The following SLC13A1 variants were observed in gnomAD, a reference collection of about 807,000 sequenced individuals.
SLC13A1 encodes the protein solute carrier family 13 member 1.
Under a neutral mutation model 70.0 loss-of-function variants are expected in SLC13A1, and 65 were observed. The ratio of observed to expected loss-of-function variants is 0.93; its 90% CI spans 0.76 to 1.14. SLC13A1 has a LOEUF of 1.14. Ranked by LOEUF, SLC13A1 falls within the 50% of genes most tolerant of loss-of-function variation. The pLI, the probability that SLC13A1 is intolerant of heterozygous loss-of-function variation, is 0.00. For synonymous variants in SLC13A1, 275 were observed against 250.5 expected (o/e 1.10, Z -0.92); for missense variants, 726 against 717.8 (o/e 1.01, Z -0.13).
At chr7:123,162,843 A>G (rs1345659821) in intron 6 of SLC13A1, among the ~76,000 whole-genome samples, 2 of 152,162 alleles carry the variant, frequency 1.3e-5, no homozygotes, top group African/African-American at 4.8e-5. Context: ...TAAACTAAAC[A>G]ATACCTAATT....
At chr7:123,168,664 T>C (rs1419450545) in intron 4 of SLC13A1, 103 bp from the exon 5 acceptor site, 1 of 823,070 alleles carries the variant, frequency 1.2e-6, no homozygotes, top group Non-Finnish European at 1.9e-6. Flanking sequence ...AAATTGAAAA[T>C]AAAAAATTCA....
chr7:123,116,981 C>T (rs1357258055), intron 14 of SLC13A1, among the ~76,000 whole-genome samples: 6 of 152,130 alleles, frequency 3.9e-5, no homozygotes, highest in African/African-American at 1.4e-4. Flanking sequence ...TGTGTTTTCA[C>T]GTTAGGTCCT....
At chr7:123,138,050 C>T (rs566703877) in intron 7 of SLC13A1, among the ~76,000 whole-genome samples, 9 of 152,158 alleles carry the variant, frequency 5.9e-5, no homozygotes, top group Non-Finnish European at 1.0e-4. Context: ...TAACCATCCC[C>T]ACCTTTCAGC....
At position 123,171,771 on chromosome 7, in the gene SLC13A1, G is replaced by A. The variant is rs202201970; in HGVS notation, c.362C>T (p.Ala121Val). ...KMVMMVGVNPAWLTLGFMSST... is the reference protein window; with the variant it reads ...KMVMMVGVNPVWLTLGFMSST... ...AAGCAGTAAATGCAGTACTTACCATGCAGGATTTACACCAACCATCATCAC... is the reference window on the plus strand; with the variant it reads ...AAGCAGTAAATGCAGTACTTACCATACAGGATTTACACCAACCATCATCAC... The change falls in exon 3 of 15, where the codon GCA (alanine) becomes GTA (valine). Residue 121 changes from alanine to valine, a missense_variant. Transcript: ENST00000194130. 4 of 1,613,666 alleles carry A rather than the reference G, an allele frequency of 2.5e-6. No homozygotes were observed. The African/African-American group carries it at 4.0e-5, about 16-fold the overall frequency.
chr7:123,151,250 G>A (rs966587318), intron 6 of SLC13A1, among the ~76,000 whole-genome samples: 1 of 151,886 alleles, frequency 6.6e-6, no homozygotes, highest in African/African-American at 2.4e-5. Flanking sequence ...CTTGAACCTG[G>A]GAGGCAGAGG....
chr7:123,172,490 T>C (rs1299355242), intron 2 of SLC13A1, among the ~76,000 whole-genome samples: 3 of 152,110 alleles, frequency 2.0e-5, no homozygotes. Flanking sequence ...GGTGTAATGG[T>C]GCATGACTGC....
intron 1 of SLC13A1, chr7:123,190,429 C>T (rs1284802957): frequency 2.7e-6 from 1 of 373,774 alleles, no homozygotes; most frequent in Non-Finnish European, 5.2e-6. Context: ...TTTAAACTCC[C>T]TTTATGAGAG....
At chr7:123,164,830 GCTGAA>G (rs1365875705) in intron 6 of SLC13A1, among the ~76,000 whole-genome samples, 1 of 151,618 alleles carries the variant, frequency 6.6e-6, no homozygotes, top group Admixed American at 6.6e-5. Context: ...CAAAATCAGA[GCTGAA>G]CTGAAGGAAA....
intron 3 of SLC13A1, among the ~76,000 whole-genome samples, chr7:123,170,087 T>A (rs1308062130): frequency 6.6e-6 from 1 of 152,138 alleles, no homozygotes; most frequent in Non-Finnish European, 1.5e-5. Flanking sequence ...ATCTATAAAC[T>A]TTCAAAGTCA....
At chr7:123,190,965 C>A (rs1795974378) in intron 1 of SLC13A1, among the ~76,000 whole-genome samples, 1 of 151,614 alleles carries the variant, frequency 6.6e-6, no homozygotes, top group Admixed American at 6.6e-5. Context: ...TTGTTGATTT[C>A]CCTATTATTT....
chr7:123,141,152 A>T (rs1274263741), intron 7 of SLC13A1, among the ~76,000 whole-genome samples: 4 of 151,802 alleles, frequency 2.6e-5, no homozygotes, highest in Non-Finnish European at 5.9e-5. Context: ...TTTCCTTCTG[A>T]ATTTCTTTAT....
rs1248385835 is a variant in SLC13A1, at chr7:123,190,689, A to G, written c.99+9159T>C. The G allele has an allele frequency of 6.6e-6, 3 of 456,502 alleles. No homozygotes were observed. In the East Asian group the frequency reaches 2.1e-4, roughly 32 times the overall value. 28.3% of individuals were successfully genotyped at this position (456,502 alleles called of 1,614,324 possible). A position where few individuals can be genotyped will look rare whatever the true frequency, so the allele number is the denominator to read the frequency against. On this transcript the variant is annotated intron_variant, in intron 1 of 14. Coordinates refer to ENST00000194130, the MANE Select transcript of SLC13A1 (RefSeq NM_022444.4). ...AATGAAAAAGGAGAAGCTGTTGAGA[A>G]TAAGCTGTTGAGCATTAGAGTGTCT...
chr7:123,119,126 G>T lies in SLC13A1; in HGVS notation c.1467C>A (p.Ser489Arg). ...GAAAGAGTGTAATGGTAGCTGGATT[G>T]CTGGCTACCTCAGTTAAAGATGTCA... is the stretch of plus-strand genomic sequence containing the variant. ...LMVTSLTEVA[S>R]NPATITLFLP... Residue 489 changes from serine (S) to arginine (R), a missense_variant, in exon 13 of 15, where the codon AGC becomes AGA. Coordinates refer to ENST00000194130, the MANE Select transcript of SLC13A1 (RefSeq NM_022444.4). 1 of 1,612,402 alleles carries T rather than the reference G, an allele frequency of 6.2e-7. No individual in the cohort carries two copies. The highest frequency in any genetic ancestry group is 8.5e-7 in the Non-Finnish European group (1 of 1,178,946).
At chr7:123,132,165 G>A (rs1469947656) in intron 8 of SLC13A1, among the ~76,000 whole-genome samples, 1 of 152,114 alleles carries the variant, frequency 6.6e-6, no homozygotes, top group Non-Finnish European at 1.5e-5. Context: ...GCTTCAGCAG[G>A]AGGACTGCCA....
At position 123,199,779 on chromosome 7, in the gene SLC13A1, A is replaced by T; in HGVS notation, c.99+69T>A. 2.5e-6 allele frequency: 3 copies of T among 1,185,878 alleles called. No homozygotes were observed. The South Asian group carries it at 3.9e-5, about 15-fold the overall frequency. 73.5% of individuals were successfully genotyped at this position (1,185,878 alleles called of 1,614,324 possible). ...GCTCTGAGCCAGGCAGTTAAACAGC[A>T]AACAGTTTTAATAAAGGACAATTAA... is the stretch of plus-strand genomic sequence containing the variant. On this transcript the variant is annotated intron_variant, in intron 1 of 14. Coordinates refer to ENST00000194130, the MANE Select transcript of SLC13A1 (RefSeq NM_022444.4).
intron 7 of SLC13A1, among the ~76,000 whole-genome samples, chr7:123,144,123 G>A (rs1443614912): frequency 1.3e-5 from 2 of 152,150 alleles, no homozygotes; most frequent in Non-Finnish European, 2.9e-5. Context: ...GGGAGAGGTG[G>A]CAGATCAAGC....
chr7:123,173,624 A>G (rs1037907465), intron 2 of SLC13A1, among the ~76,000 whole-genome samples: 3 of 152,122 alleles, frequency 2.0e-5, no homozygotes, highest in African/African-American at 7.2e-5. Context: ...TAGTATATAC[A>G]TTACGTAAAT....
At chr7:123,156,982 A>G (rs890536455) in intron 6 of SLC13A1, among the ~76,000 whole-genome samples, 1 of 152,210 alleles carries the variant, frequency 6.6e-6, no homozygotes, top group Admixed American at 6.6e-5. Context: ...ATGCCACTGG[A>G]GAAAATCCCT....
chr7:123,142,638 C>CTTTTTTTTTTT (rs753775300), intron 7 of SLC13A1, among the ~76,000 whole-genome samples: 8 of 118,810 alleles, frequency 6.7e-5, no homozygotes, highest in African/African-American at 2.3e-4. Context: ...GGGGCAAGAA[C>CTTTTTTTTTTT]TTTTTTTTTT....
Sources: gnomAD v4.1 joint callset for allele counts (sites outside exome capture counted in the v4.1 genomes callset) on GRCh38, gnomAD v4.1.1 for gene constraint, MANE v1.5 for transcripts, NCBI Gene and HGNC (gene_info 2026-07-23, HGNC 2026-07-21) for gene names.